The following KCNH7 variants were observed in gnomAD, a reference collection of about 807,000 sequenced individuals.
KCNH7 encodes potassium voltage-gated channel subfamily H member 7, also known as voltage-gated inwardly rectifying potassium channel KCNH7.
In KCNH7, 49 loss-of-function variants were observed where a neutral mutation model predicts 120.8. The ratio of observed to expected loss-of-function variants is 0.41; its 90% CI spans 0.32 to 0.51. The LOEUF (loss-of-function observed/expected upper bound fraction) is 0.51. KCNH7 is among the 20% of genes least tolerant of loss of function. The probability of loss-of-function intolerance (pLI) is 0.38; values close to 1 mark genes in which losing one functional copy is unlikely to be tolerated. For synonymous variants in KCNH7, 547 were observed against 516.1 expected (o/e 1.06, Z -0.81); for missense variants, 1,097 against 1,446.6 (o/e 0.76, Z 3.92).
At chr2:162,526,189 G>T (rs573229820) in intron 3 of KCNH7, among the ~76,000 whole-genome samples, 3 of 151,996 alleles carry the variant, frequency 2.0e-5, no homozygotes, top group African/African-American at 7.2e-5. Flanking sequence ...GGGAGTGTAC[G>T]AATAGGGTGT....
chr2:162,554,657 G>GTC (rs1318637960), intron 2 of KCNH7, among the ~76,000 whole-genome samples: 3 of 152,084 alleles, frequency 2.0e-5, no homozygotes, highest in African/African-American at 7.2e-5. Context: ...CCCTGCTTCT[G>GTC]TCATCACATC....
intron 2 of KCNH7, among the ~76,000 whole-genome samples, chr2:162,741,098 A>C (rs1688109824): frequency 6.6e-6 from 1 of 152,104 alleles, no homozygotes; most frequent in Admixed American, 6.6e-5. Flanking sequence ...TAGTCTTCTA[A>C]GTATAAAATT....
chr2:162,637,747 T>C (rs191526333), intron 2 of KCNH7, among the ~76,000 whole-genome samples: 56 of 152,096 alleles, frequency 3.7e-4, no homozygotes, highest in African/African-American at 1.3e-3. Context: ...AGAAAATTGA[T>C]GTGCTGATCT....
intron 5 of KCNH7, among the ~76,000 whole-genome samples, chr2:162,508,924 T>A (rs1273697881): frequency 6.6e-6 from 1 of 151,310 alleles, no homozygotes; most frequent in Non-Finnish European, 1.5e-5. Context: ...CAGTAGAAAG[T>A]CATGTAAAAC....
At chr2:162,415,990 T>A (rs1687532226) in intron 9 of KCNH7, among the ~76,000 whole-genome samples, 10 of 152,280 alleles carry the variant, frequency 6.6e-5, no homozygotes, top group Admixed American at 5.9e-4. Context: ...ATGTAGCTGT[T>A]TTCCTGGCAT....
intron 2 of KCNH7, among the ~76,000 whole-genome samples, chr2:162,769,248 TTCTACCTGA>T (rs3052898): frequency 0.27 from 41,059 of 151,788 alleles, 6,292 homozygotes; most frequent in African/African-American, 0.43. Flanking sequence ...TCCAGTTTAT[TTCTACCTGA>T]TATGCACACA....
chr2:162,447,323 T>C (rs1688614375), intron 6 of KCNH7, among the ~76,000 whole-genome samples: 1 of 152,088 alleles, frequency 6.6e-6, no homozygotes, highest in African/African-American at 2.4e-5. Flanking sequence ...GAAAAGTCCA[T>C]GATTTAGTGA....
chr2:162,798,025 T>A (rs1288812235), intron 2 of KCNH7: 1 of 152,082 alleles, frequency 6.6e-6, no homozygotes, highest in African/African-American at 2.4e-5. Flanking sequence ...ATGACAAGAA[T>A]AGTAATAGAA....
intron 10 of KCNH7, among the ~76,000 whole-genome samples, chr2:162,399,424 A>C (rs1033053126): frequency 2.6e-5 from 4 of 151,666 alleles, no homozygotes; most frequent in East Asian, 1.9e-4. Flanking sequence ...CACAACGTGC[A>C]GGTTTGTTAC....
intron 2 of KCNH7, among the ~76,000 whole-genome samples, chr2:162,626,631 C>T (rs79214930): frequency 0.023 from 3,477 of 152,116 alleles, 140 homozygotes; most frequent in African/African-American, 0.079. Flanking sequence ...CCAATTTATC[C>T]GAATTGTAGG....
chr2:162,560,729 A>G (rs1693032137), intron 2 of KCNH7, among the ~76,000 whole-genome samples: 1 of 152,206 alleles, frequency 6.6e-6, no homozygotes, highest in African/African-American at 2.4e-5. Flanking sequence ...CACCAGATCA[A>G]ACTGATGTGC....
intron 6 of KCNH7, among the ~76,000 whole-genome samples, chr2:162,473,953 T>C (rs1359692130): frequency 6.6e-6 from 1 of 152,214 alleles, no homozygotes; most frequent in Non-Finnish European, 1.5e-5. Context: ...CAAAATTGAC[T>C]CTACTGTAGT....
At chr2:162,505,151 A>G (rs1004726134) in intron 5 of KCNH7, among the ~76,000 whole-genome samples, 3 of 151,872 alleles carry the variant, frequency 2.0e-5, no homozygotes, top group African/African-American at 7.3e-5. Context: ...GGCTCTTCAT[A>G]TGTTTCCACT....
intron 2 of KCNH7, among the ~76,000 whole-genome samples, chr2:162,650,655 G>C (rs1684532570): frequency 6.6e-6 from 1 of 152,042 alleles, no homozygotes. Flanking sequence ...CGCAGCACTG[G>C]GTAATTCTCC....
intron 13 of KCNH7, 30 bp downstream of exon 13, chr2:162,384,658 G>C (rs750850240): frequency 6.2e-7 from 1 of 1,607,408 alleles, no homozygotes; most frequent in South Asian, 1.1e-5. Context: ...GCACTGAAGA[G>C]AGACCACCTG....
Position 162,379,948 on chromosome 2 carries a change from A to G in KCNH7, c.3036T>C (p.Leu1012=). 6.2e-7 allele frequency: 1 copy of G among 1,614,046 alleles called. No individual in the cohort carries two copies. The highest frequency in any genetic ancestry group is 1.3e-5 in the African/African-American group (1 of 75,030). Residue 1012 remains leucine (L), a synonymous_variant, in exon 14 of 16, where the codon CTT becomes CTC. Coordinates refer to ENST00000332142, the MANE Select transcript of KCNH7 (RefSeq NM_033272.4). ...PQPEDSSPSA[L]QRAAWGISET... Reference sequence around the variant, plus strand: ...CAGAGATACCCCAGGCAGCTCGCTGAAGTGCAGATGGACTGGAGTCTTCAG... The same window carrying G: ...CAGAGATACCCCAGGCAGCTCGCTGGAGTGCAGATGGACTGGAGTCTTCAG...
intron 2 of KCNH7, among the ~76,000 whole-genome samples, chr2:162,549,332 T>A (rs1369674002): frequency 6.6e-6 from 1 of 152,204 alleles, no homozygotes; most frequent in Non-Finnish European, 1.5e-5. Flanking sequence ...CTGGGGTTAA[T>A]TCCATCAGCT....
At chr2:162,750,261 G>T (rs1688492235) in intron 2 of KCNH7, among the ~76,000 whole-genome samples, 2 of 151,950 alleles carry the variant, frequency 1.3e-5, no homozygotes, top group African/African-American at 4.8e-5. Context: ...GCTGTGCCCT[G>T]AAGGGAGACA....
At chr2:162,809,599 GA>G (rs1684662985) in intron 2 of KCNH7, among the ~76,000 whole-genome samples, 1 of 152,076 alleles carries the variant, frequency 6.6e-6, no homozygotes, top group Non-Finnish European at 1.5e-5. Flanking sequence ...CATTTTGCTA[GA>G]AATATATTTG....
Sources: gnomAD v4.1 joint callset for allele counts (sites outside exome capture counted in the v4.1 genomes callset) on GRCh38, gnomAD v4.1.1 for gene constraint, MANE v1.5 for transcripts, NCBI Gene and HGNC (gene_info 2026-07-23, HGNC 2026-07-21) for gene names.